The following TMEM184B variants were observed in gnomAD, a reference collection of about 807,000 sequenced individuals.
TMEM184B encodes the protein putative MAPK-activating protein FM08.
A neutral mutation model predicts 41.8 loss-of-function variants in TMEM184B; 17 were observed. The observed-to-expected ratio is 0.41, with a 90% CI of 0.28 to 0.61. The LOEUF (loss-of-function observed/expected upper bound fraction) is 0.61, where lower values mean the gene tolerates loss of function less well. Ranked by LOEUF, TMEM184B falls within the 20% of genes least tolerant of loss-of-function variation. TMEM184B has a pLI of 0.34. For synonymous variants in TMEM184B, 240 were observed against 229.5 expected (o/e 1.05, Z -0.41); for missense variants, 393 against 557.8 (o/e 0.70, Z 2.98).
At chr22:38,235,929 C>A (rs575977373) in intron 3 of TMEM184B, among the ~76,000 whole-genome samples, 3 of 152,342 alleles carry the variant, frequency 2.0e-5, no homozygotes, top group African/African-American at 7.2e-5. Context: ...CAGTACCAGA[C>A]CCCTGGAGAG....
chr22:38,222,486 G>A (rs2091288171), intron 8 of TMEM184B: 4 of 512,554 alleles, frequency 7.8e-6, no homozygotes, highest in South Asian at 1.7e-4. Flanking sequence ...GCTCTACAGA[G>A]GGTGGCCCTT....
chr22:38,262,164 C>G (rs2092379121), intron 1 of TMEM184B, among the ~76,000 whole-genome samples: 2 of 152,366 alleles, frequency 1.3e-5, no homozygotes, highest in South Asian at 4.1e-4. Context: ...GGAGTCCGTT[C>G]TGTACACTCT....
intron 8 of TMEM184B, 126 bp downstream of exon 8, chr22:38,224,659 T>G: frequency 6.4e-6 from 6 of 938,188 alleles, no homozygotes; most frequent in South Asian, 2.0e-5. Context: ...CATTCCTGCA[T>G]ATAGAGTGGG....
At chr22:38,271,005 T>G (rs928860374) in intron 1 of TMEM184B, among the ~76,000 whole-genome samples, 1 of 152,196 alleles carries the variant, frequency 6.6e-6, no homozygotes, top group Admixed American at 6.5e-5. Context: ...CTCGAAGCTC[T>G]TCTTTCTACT....
At chr22:38,247,008 C>G in intron 2 of TMEM184B, 1 of 467,276 alleles carries the variant, frequency 2.1e-6, no homozygotes, top group South Asian at 2.0e-5. Context: ...GGAACACGAG[C>G]AGACTCACCC....
intron 1 of TMEM184B, chr22:38,272,541 A>C (rs2092540883): frequency 3.0e-6 from 3 of 985,312 alleles, no homozygotes; most frequent in African/African-American, 3.5e-5. Context: ...GGAGCACACA[A>C]TCCCTCTTGC....
intron 3 of TMEM184B, among the ~76,000 whole-genome samples, chr22:38,237,084 T>A (rs1476707054): frequency 3.3e-5 from 5 of 152,120 alleles, no homozygotes; most frequent in Non-Finnish European, 7.4e-5. Flanking sequence ...GCCAAGAGAC[T>A]GCTCCCCACC....
At chr22:38,264,983 C>T (rs1279896732) in intron 1 of TMEM184B, among the ~76,000 whole-genome samples, 1 of 152,184 alleles carries the variant, frequency 6.6e-6, no homozygotes, top group Non-Finnish European at 1.5e-5. Context: ...CCTATGCATC[C>T]TGCATCTACC....
chr22:38,219,890 A>C lies in TMEM184B; in HGVS notation c.*1579T>G, dbSNP rs975303293. Reference sequence around the variant, plus strand: ...GGGAGAGCTGGCCTCTGGCACCCACATGCAGGCCTCTGCCACGAGGAAAGG... The same window carrying C: ...GGGAGAGCTGGCCTCTGGCACCCACCTGCAGGCCTCTGCCACGAGGAAAGG... On this transcript the variant is annotated 3_prime_UTR_variant, in exon 9 of 9. Transcript: ENST00000361906. 1 of 985,074 alleles carries C rather than the reference A, an allele frequency of 1.0e-6. No homozygotes were observed. The highest frequency in any genetic ancestry group is 1.2e-6 in the Non-Finnish European group (1 of 829,892). 61.0% of individuals were successfully genotyped at this position (985,074 alleles called of 1,614,324 possible).
chr22:38,224,666 T>A, intron 8 of TMEM184B, 119 bp downstream of exon 8: 1 of 998,184 alleles, frequency 1.0e-6, no homozygotes, highest in Non-Finnish European at 1.4e-6. Flanking sequence ...GCATATAGAG[T>A]GGGGATCCCA....
At chr22:38,217,843 A>AAAAAG (rs1450756725), downstream of TMEM184B, among the ~76,000 whole-genome samples, 14 of 136,160 alleles carry the variant, frequency 1.0e-4, no homozygotes, top group African/African-American at 4.3e-4. Context: ...AAAAAAAAAA[A>AAAAAG]AAAAGAAAAG....
At chr22:38,233,007 G>A (rs2091675940) in intron 3 of TMEM184B, among the ~76,000 whole-genome samples, 1 of 152,140 alleles carries the variant, frequency 6.6e-6, no homozygotes, top group East Asian at 1.9e-4. Flanking sequence ...ACAATGACTG[G>A]TCTCCCCCTC....
intron 1 of TMEM184B, among the ~76,000 whole-genome samples, chr22:38,248,410 C>T (rs921493842): frequency 3.9e-5 from 6 of 152,244 alleles, no homozygotes; most frequent in African/African-American, 1.4e-4. Flanking sequence ...CAGCTGCAGC[C>T]ACGCTGGCCT....
chr22:38,262,170 ACT>A (rs1332065133), intron 1 of TMEM184B, among the ~76,000 whole-genome samples: 4 of 152,160 alleles, frequency 2.6e-5, no homozygotes, highest in Non-Finnish European at 5.9e-5. Flanking sequence ...CGTTCTGTAC[ACT>A]CTGTGTGTGG....
intron 3 of TMEM184B, 54 bp downstream of exon 3, chr22:38,245,881 G>GCTCCCAGC: frequency 6.9e-7 from 1 of 1,459,310 alleles, no homozygotes; most frequent in Non-Finnish European, 9.3e-7. Flanking sequence ...GGGGACAGGG[G>GCTCCCAGC]CTCCCAGCCC....
chr22:38,251,994 C>T (rs1332169885), intron 1 of TMEM184B, among the ~76,000 whole-genome samples: 1 of 151,784 alleles, frequency 6.6e-6, no homozygotes, highest in East Asian at 1.9e-4. Context: ...TCCCTAGGCC[C>T]GAGTGATCCT....
At position 38,247,823 on chromosome 22, in the gene TMEM184B, G is replaced by C; in HGVS notation, c.139C>G (p.Gln47Glu). Residue 47 changes from glutamine (Q) to glutamate (E), a missense_variant, in exon 2 of 9, where the codon CAG becomes GAG. Physicochemically the swap from Gln to Glu is conservative, Grantham distance 29 (BLOSUM62 2). Transcript: ENST00000361906. ...CACACGAAGAAGCCAGAGATGGCCT[G>C]AGCGGCAGTTGTCATCAGGAACACA... ...QPVFLMTTAA[Q>E]AISGFFVWTA... The C allele has an allele frequency of 1.2e-6, 2 of 1,614,046 alleles. No homozygotes were observed. Among genetic ancestry groups the C allele is most frequent in the East Asian group, 2.2e-5 (1 of 44,876 alleles).
At chr22:38,272,813 A>T in intron 1 of TMEM184B, 71 bp downstream of exon 1, 1 of 983,158 alleles carries the variant, frequency 1.0e-6, no homozygotes, top group South Asian at 4.7e-5. Flanking sequence ...CTCCGAAACA[A>T]GCAGCCCCCC....
At chr22:38,247,543 T>A (rs2145696825) in intron 2 of TMEM184B, among the ~76,000 whole-genome samples, 1 of 152,258 alleles carries the variant, frequency 6.6e-6, no homozygotes. Flanking sequence ...GAGGTTGCAG[T>A]GAGCCAAGAT....
Sources: gnomAD v4.1 joint callset for allele counts (sites outside exome capture counted in the v4.1 genomes callset) on GRCh38, gnomAD v4.1.1 for gene constraint, MANE v1.5 for transcripts, NCBI Gene and HGNC (gene_info 2026-07-23, HGNC 2026-07-21) for gene names.